Variants in SDK1 observed in about 807,000 individuals in gnomAD.
The protein encoded by SDK1 is protein sidekick-1.
SDK1 carries 157 observed loss-of-function variants against 245.5 expected under a neutral mutation model. The ratio of observed to expected loss-of-function variants is 0.64; its 90% CI spans 0.56 to 0.73. The LOEUF (loss-of-function observed/expected upper bound fraction) is 0.73. SDK1 is among the 30% of genes least tolerant of loss of function. SDK1 has a pLI of 0.00. For synonymous variants in SDK1, 1,647 were observed against 1,278.5 expected, an observed-to-expected ratio of 1.29 and a Z score of -6.15; for missense variants, 3,583 against 3,002.3, an observed-to-expected ratio of 1.19 and a Z score of -4.52.
chr7:3,488,006 T>G (rs1384951921), intron 1 of SDK1, among the ~76,000 whole-genome samples: 1 of 152,170 alleles, frequency 6.6e-6, no homozygotes, highest in Admixed American at 6.6e-5. Flanking sequence ...ACTTTTGCAA[T>G]TTGTATTTTC....
intron 44 of SDK1, among the ~76,000 whole-genome samples, chr7:4,259,517 T>A (rs1439244049): frequency 6.6e-6 from 1 of 152,208 alleles, no homozygotes; most frequent in African/African-American, 2.4e-5. Flanking sequence ...TAGATATATT[T>A]AAGAATCCAG....
intron 1 of SDK1, among the ~76,000 whole-genome samples, chr7:3,350,309 A>G (rs1263122602): frequency 6.6e-6 from 1 of 152,178 alleles, no homozygotes; most frequent in East Asian, 1.9e-4. Context: ...ATTTGGGGAC[A>G]GCATCCTAAG....
intron 4 of SDK1, among the ~76,000 whole-genome samples, chr7:3,658,636 G>T (rs1180237075): frequency 8.4e-6 from 1 of 119,092 alleles, no homozygotes; most frequent in Non-Finnish European, 1.6e-5. Flanking sequence ...TTTTGAGACA[G>T]ACTCACAGTC....
At chr7:3,996,597 T>A (rs1784712844) in intron 14 of SDK1, among the ~76,000 whole-genome samples, 1 of 152,234 alleles carries the variant, frequency 6.6e-6, no homozygotes. Context: ...AGATTTTGAC[T>A]CATTGCTACT....
intron 1 of SDK1, among the ~76,000 whole-genome samples, chr7:3,400,157 G>T (rs1778849294): frequency 6.6e-6 from 1 of 152,142 alleles, no homozygotes; most frequent in African/African-American, 2.4e-5. Context: ...CACATTGTTA[G>T]GGAGGCTGCT....
intron 1 of SDK1, among the ~76,000 whole-genome samples, chr7:3,367,446 C>G (rs1781121141): frequency 6.6e-6 from 1 of 152,174 alleles, no homozygotes; most frequent in South Asian, 2.1e-4. Context: ...ATTCCAGGTC[C>G]TATTTTGGTT....
intron 4 of SDK1, among the ~76,000 whole-genome samples, chr7:3,656,763 C>T (rs988842934): frequency 7.9e-5 from 11 of 140,076 alleles, no homozygotes; most frequent in East Asian, 2.1e-4. Flanking sequence ...TTTTTTGAGA[C>T]GGAGTCTCGC....
At chr7:3,384,595 A>G (rs1781564704) in intron 1 of SDK1, among the ~76,000 whole-genome samples, 2 of 113,392 alleles carry the variant, frequency 1.8e-5, no homozygotes, top group South Asian at 6.8e-4. Flanking sequence ...ATACCCTCGA[A>G]CATCGAAGGA....
chr7:3,752,617 C>T (rs1779804995), intron 4 of SDK1, among the ~76,000 whole-genome samples: 1 of 152,110 alleles, frequency 6.6e-6, no homozygotes, highest in Admixed American at 6.5e-5. Flanking sequence ...TTTTAGTATT[C>T]TAGCATGGAT....
At chr7:3,468,752 G>A (rs1204220397) in intron 1 of SDK1, among the ~76,000 whole-genome samples, 1 of 152,078 alleles carries the variant, frequency 6.6e-6, no homozygotes, top group East Asian at 1.9e-4. Context: ...CTTGAGTGTT[G>A]TCCGTATTTT....
At position 4,061,899 on chromosome 7, in the gene SDK1, G is replaced by T. The variant is rs1307821820; in HGVS notation, c.2912-5939G>T. ...TCGCAAGAACAAAAAACCAAACACGGCATATTCTCACTCATAGGTGGGAAT... is the reference window on the plus strand; with the variant it reads ...TCGCAAGAACAAAAAACCAAACACGTCATATTCTCACTCATAGGTGGGAAT... On this transcript the variant is annotated intron_variant, in intron 19 of 44. Coordinates refer to ENST00000404826, the MANE Select transcript of SDK1 (RefSeq NM_152744.4). Among the ~76,000 whole-genome samples the T allele has an allele frequency of 1.8e-4, 27 of 146,356 alleles. No homozygotes were observed. In the South Asian group the frequency reaches 5.8e-3, roughly 32 times the overall value.
intron 1 of SDK1, among the ~76,000 whole-genome samples, chr7:3,348,573 C>T (rs1365314297): frequency 1.3e-5 from 2 of 152,078 alleles, no homozygotes; most frequent in African/African-American, 4.8e-5. Context: ...AGACGCAGGG[C>T]GGTGAAAACC....
At chr7:3,814,289 A>G (rs1301863204) in intron 4 of SDK1, among the ~76,000 whole-genome samples, 20 of 149,824 alleles carry the variant, frequency 1.3e-4, no homozygotes, top group South Asian at 6.4e-4. Flanking sequence ...TGATTTTTGT[A>G]TAAGGTGTAA....
intron 21 of SDK1, among the ~76,000 whole-genome samples, chr7:4,077,697 T>A (rs1427299782): frequency 6.6e-6 from 1 of 152,150 alleles, no homozygotes; most frequent in East Asian, 1.9e-4. Context: ...AGAGAGCCCG[T>A]GCAAGGAAAC....
rs185203022 is a variant in SDK1 at position 4,131,013 on chromosome 7, G to A, written c.4129+916G>A. 7.9e-5 allele frequency among the ~76,000 whole-genome samples: 12 copies of A among 152,252 alleles called. No individual in the cohort carries two copies. In the East Asian group the frequency reaches 1.9e-3, roughly 24 times the overall value. On this transcript the variant is annotated intron_variant, in intron 27 of 44. Coordinates refer to ENST00000404826, the MANE Select transcript of SDK1 (RefSeq NM_152744.4). The stretch of plus-strand genomic sequence containing the variant: ...TCCTCGCCTCGCCTCACGGAGAGAC[G>A]GGAACCCTGCAGAAGGCTTTGTCCA...
chr7:3,648,849 C>T (rs1395778760), intron 4 of SDK1, among the ~76,000 whole-genome samples: 1 of 152,170 alleles, frequency 6.6e-6, no homozygotes, highest in Non-Finnish European at 1.5e-5. Context: ...GTAATTCTGA[C>T]CTTGGGAAAA....
chr7:4,156,115 T>C (rs1186342636), intron 30 of SDK1, among the ~76,000 whole-genome samples: 1 of 152,098 alleles, frequency 6.6e-6, no homozygotes, highest in Non-Finnish European at 1.5e-5. Flanking sequence ...TGAGGCAAAG[T>C]ATGCTGTCCA....
chr7:3,989,884 G>T (rs1010994425), intron 14 of SDK1, among the ~76,000 whole-genome samples: 11 of 152,216 alleles, frequency 7.2e-5, no homozygotes, highest in Non-Finnish European at 1.6e-4. Context: ...CATAGCTACG[G>T]GAATGGATGT....
chr7:3,710,646 C>T (rs1050736906), intron 4 of SDK1, among the ~76,000 whole-genome samples: 1 of 152,180 alleles, frequency 6.6e-6, no homozygotes, highest in African/African-American at 2.4e-5. Context: ...TGCTTCGACA[C>T]TCTCGTAAAT....
Sources: gnomAD v4.1 joint callset for allele counts (sites outside exome capture counted in the v4.1 genomes callset) on GRCh38, gnomAD v4.1.1 for gene constraint, MANE v1.5 for transcripts, NCBI Gene and HGNC (gene_info 2026-07-23, HGNC 2026-07-21) for gene names.